BPIFB4: variants seen among roughly 807,000 people sequenced by gnomAD.
BPIFB4 encodes BPI fold-containing family B member 4.
In BPIFB4, 62 loss-of-function variants were observed where a neutral mutation model predicts 69.2. The ratio of observed to expected loss-of-function variants is 0.90; its 90% CI spans 0.73 to 1.11. BPIFB4 has a LOEUF of 1.11. Ranked by LOEUF, BPIFB4 falls within the 50% of genes least tolerant of loss-of-function variation. The pLI is 0.00. For synonymous variants in BPIFB4, 330 were observed against 332.7 expected, an observed-to-expected ratio of 0.99 and a Z score of 0.09; for missense variants, 789 against 792.0, an observed-to-expected ratio of 1.00 and a Z score of 0.04.
rs113445311 is a variant in BPIFB4 at position 33,092,526 on chromosome 20, G to A, written c.1212G>A (p.Lys404=). The A allele has an allele frequency of 1.1e-4, 181 of 1,614,166 alleles. 1 individual carries two copies. The African/African-American group carries it at 1.7e-3, about 16-fold the overall frequency. Residue 404 remains lysine, a synonymous_variant, in exon 11 of 18, where the codon AAG becomes AAA. Coordinates refer to ENST00000375483, the MANE Select transcript of BPIFB4 (RefSeq NM_182519.3). Reference sequence around the variant, plus strand: ...TGGGGTGGCCAGCTGTGTCTCCCAAGCCGATGCCAGAGCTGCCTCCCATGG... The same window carrying A: ...TGGGGTGGCCAGCTGTGTCTCCCAAACCGATGCCAGAGCTGCCTCCCATGG... The part of the protein sequence containing the change: ...YPLGWPAVSP[K]PMPELPPMGD...
Position 33,083,750 on chromosome 20 carries a change from G to C in BPIFB4, c.553G>C (p.Ala185Pro), listed in dbSNP as rs145467241. ...GGMLAADGIL[A>P]GQGGLLGGGG... is the part of the protein sequence containing the mutation. ...CATGCTGGCAGCTGATGGCATCCTC[G>C]CAGGCCAAGGTGGCCTGCTCGGCGG... Residue 185 changes from alanine (A) to proline (P), a missense_variant, in exon 5 of 18, where the codon GCA (alanine) becomes CCA (proline). Transcript: ENST00000375483. 6.2e-7 allele frequency: 1 copy of C among 1,613,774 alleles called. No homozygotes were observed. Among genetic ancestry groups the C allele is most frequent in the African/African-American group, 1.3e-5 (1 of 75,008 alleles).
chr20:33,102,880 G>C, intron 14 of BPIFB4, 92 bp from the exon 15 acceptor site: 1 of 1,274,446 alleles, frequency 7.8e-7, no homozygotes, highest in South Asian at 1.2e-5. Flanking sequence ...CGTGAGGATA[G>C]TGGAGGGGCT....
At chr20:33,108,573 G>A (rs1982144493) in intron 17 of BPIFB4, among the ~76,000 whole-genome samples, 1 of 151,990 alleles carries the variant, frequency 6.6e-6, no homozygotes, top group Non-Finnish European at 1.5e-5. Flanking sequence ...CGAGGGCTTG[G>A]AGCCCAGTGA....
intron 12 of BPIFB4, among the ~76,000 whole-genome samples, chr20:33,096,795 G>C (rs1981768404): frequency 6.6e-6 from 1 of 152,236 alleles, no homozygotes; most frequent in Non-Finnish European, 1.5e-5. Flanking sequence ...GACCTGGGCT[G>C]CACGGAGTCA....
At chr20:33,097,203 T>G (rs1398903080) in intron 12 of BPIFB4, among the ~76,000 whole-genome samples, 1 of 152,062 alleles carries the variant, frequency 6.6e-6, no homozygotes, top group African/African-American at 2.4e-5. Flanking sequence ...ACAATTTCCT[T>G]GGCATTCCCC....
Position 33,089,370 on chromosome 20 carries a change from G to A in BPIFB4, c.991-128G>A, listed in dbSNP as rs1045734119. On this transcript the variant is annotated intron_variant, in intron 8 of 17. Transcript: ENST00000375483. ...AGACAGCCTTCCCCACAGGGCTGTG[G>A]TGAGGAGAGTGCCTGGCACAGAGCA... The A allele has an allele frequency of 9.0e-6, 13 of 1,445,976 alleles. No homozygotes were observed. The Admixed American group carries it at 2.3e-4, about 26-fold the overall frequency. The allele number at this position is 1,445,976 out of a possible 1,614,324, so 89.6% of individuals were successfully genotyped here.
chr20:33,091,095 G>A (rs1362605402), intron 10 of BPIFB4, among the ~76,000 whole-genome samples: 1 of 152,192 alleles, frequency 6.6e-6, no homozygotes, highest in Non-Finnish European at 1.5e-5. Flanking sequence ...GCCACAGAAA[G>A]GTTAAATCAC....
rs73904458 is a variant in BPIFB4 at position 33,102,149 on chromosome 20, G to T, written c.1638-823G>T. On this transcript the variant is annotated intron_variant, in intron 14 of 17. Transcript: ENST00000375483. Reference sequence around the variant, plus strand: ...GAGAGCAGCATGGGCAAGCTTCGCAGAGAGGAAAAGGGCACGGATACTGTG... The same window carrying T: ...GAGAGCAGCATGGGCAAGCTTCGCATAGAGGAAAAGGGCACGGATACTGTG... Among the ~76,000 whole-genome samples, 315 of 152,342 alleles carry T rather than the reference G, an allele frequency of 2.1e-3. 1 individual carries two copies. The highest frequency in any genetic ancestry group is 7.2e-3 in the African/African-American group (301 of 41,592).
intron 12 of BPIFB4, among the ~76,000 whole-genome samples, chr20:33,095,412 C>T (rs1288122109): frequency 6.6e-6 from 1 of 152,194 alleles, no homozygotes. Context: ...CTAGCCTGGC[C>T]ACTTCCCTTG....
At chr20:33,088,914 T>G (rs1170790666) in intron 7 of BPIFB4, 52 bp from the exon 8 acceptor site, 23 of 1,611,222 alleles carry the variant, frequency 1.4e-5, no homozygotes, top group Non-Finnish European at 2.0e-5. Flanking sequence ...ACAGCCTTGG[T>G]GAGCCCCACA....
chr20:33,108,512 T>C (rs1487119621), intron 17 of BPIFB4, among the ~76,000 whole-genome samples: 2 of 151,094 alleles, frequency 1.3e-5, no homozygotes, highest in Non-Finnish European at 2.9e-5. Flanking sequence ...GAAGTTTTAT[T>C]TTTAAACATG....
chr20:33,089,282 G>A (rs1481174122), intron 8 of BPIFB4, among the ~76,000 whole-genome samples: 1 of 152,192 alleles, frequency 6.6e-6, no homozygotes, highest in Non-Finnish European at 1.5e-5. Context: ...GCACTTCCTA[G>A]CTGGGTGCCA....
chr20:33,083,927 G>T, intron 5 of BPIFB4, 53 bp downstream of exon 5: 1 of 1,528,200 alleles, frequency 6.5e-7, no homozygotes, highest in East Asian at 2.3e-5. Flanking sequence ...TCCAAATGGG[G>T]GTGATCACTC....
Position 33,092,659 on chromosome 20 carries a change from G to A in BPIFB4, c.1344+1G>A. On this transcript the variant is annotated splice_donor_variant, in intron 11 of 17. Transcript: ENST00000375483. LOFTEE classifies it high-confidence loss of function. ...AGACCTGGATATCACCAATGGCATG[G>A]TGAGTCACAGCCCCACCAGGGGGAG... is the stretch of plus-strand genomic sequence containing the variant. 6.2e-7 allele frequency: 1 copy of A among 1,607,322 alleles called. No individual in the cohort carries two copies. Among genetic ancestry groups the A allele is most frequent in the South Asian group, 1.1e-5 (1 of 91,050 alleles).
rs369825828 is a variant in BPIFB4 at position 33,083,836 on chromosome 20, C to T, written c.639C>T (p.Gly213=). ...LGGGGVLGVL[G]EGGILSTVQG... ...GAGGGGGTGTCCTGGGCGTGCTCGG[C>T]GAGGGTGGCATCCTCAGCACTGTGC... Residue 213 remains glycine, a synonymous_variant, in exon 5 of 18, where the codon GGC becomes GGT. Transcript: ENST00000375483. 33 of 1,613,100 alleles carry T rather than the reference C, an allele frequency of 2.0e-5. No homozygotes were observed. The highest frequency in any genetic ancestry group is 6.7e-5 in the Admixed American group (4 of 59,916).
chr20:33,086,774 A>T lies in BPIFB4; in HGVS notation c.926+610A>T, dbSNP rs535756792. Among the ~76,000 whole-genome samples the T allele has an allele frequency of 9.2e-5, 14 of 152,280 alleles. No homozygotes were observed. The South Asian group carries it at 2.9e-3, about 32-fold the overall frequency. On this transcript the variant is annotated intron_variant, in intron 7 of 17. Transcript: ENST00000375483. The stretch of plus-strand genomic sequence containing the variant: ...AGAGTTTTCCTATGACGTGCTCCTT[A>T]CAAAATGTCCAAGTCTCCATCCTCT...
At chr20:33,085,321 G>A (rs1043153508) in intron 6 of BPIFB4, among the ~76,000 whole-genome samples, 1 of 152,216 alleles carries the variant, frequency 6.6e-6, no homozygotes, top group Admixed American at 6.5e-5. Flanking sequence ...TGGGCGTGGT[G>A]GCAGGTGCCT....
intron 17 of BPIFB4, 54 bp from the exon 18 acceptor site, chr20:33,111,360 G>T: frequency 6.2e-7 from 1 of 1,611,624 alleles, no homozygotes; most frequent in East Asian, 2.2e-5. Context: ...GAGTAGCAAG[G>T]CTCTAGCCAG....
Position 33,101,012 on chromosome 20 carries a change from TCC to T in BPIFB4, c.1637+520_1637+521del, listed in dbSNP as rs966079146. Among the ~76,000 whole-genome samples, 8 of 152,248 alleles carry T rather than the reference TCC, an allele frequency of 5.3e-5. No homozygotes were observed. The East Asian group carries it at 1.2e-3, about 22-fold the overall frequency. The stretch of plus-strand genomic sequence containing the variant: ...GTGAGCTATGATTGTGCCACTGCAC[TCC>T]AGCCTGGGCAACAGAGCAAGACCCT... On this transcript the variant is annotated intron_variant, in intron 14 of 17. Coordinates refer to ENST00000375483, the MANE Select transcript of BPIFB4 (RefSeq NM_182519.3).
Sources: gnomAD v4.1 joint callset for allele counts (sites outside exome capture counted in the v4.1 genomes callset) on GRCh38, gnomAD v4.1.1 for gene constraint, MANE v1.5 for transcripts, NCBI Gene and HGNC (gene_info 2026-07-23, HGNC 2026-07-21) for gene names.